Variants in CERS3 observed in about 807,000 individuals in gnomAD.
The protein encoded by CERS3 is LAG1 homolog, ceramide synthase 3.
Under a neutral mutation model 50.3 loss-of-function variants are expected in CERS3, and 33 were observed. The observed-to-expected ratio is 0.66, with a 90% CI of 0.50 to 0.88. CERS3 has a LOEUF of 0.88. CERS3 is among the 40% of genes least tolerant of loss of function. The pLI, the probability that CERS3 is intolerant of heterozygous loss-of-function variation, is 0.00. For synonymous variants in CERS3, 176 were observed against 155.2 expected (o/e 1.13, Z -0.99); for missense variants, 470 against 460.3 (o/e 1.02, Z -0.19).
chr15:100,442,340 T>A (rs2142155808), intron 11 of CERS3, among the ~76,000 whole-genome samples: 1 of 152,284 alleles, frequency 6.6e-6, no homozygotes. Flanking sequence ...AAAATTAAAT[T>A]CCGGCCCTTT....
At chr15:100,536,913 G>T (rs1353991463) in intron 1 of CERS3, among the ~76,000 whole-genome samples, 2 of 152,238 alleles carry the variant, frequency 1.3e-5, no homozygotes, top group Non-Finnish European at 2.9e-5. Flanking sequence ...ACAGGACAAT[G>T]AGGAAACAAA....
Position 100,455,930 on chromosome 15 carries a change from T to C in CERS3, c.962A>G (p.Tyr321Cys). 6.2e-7 allele frequency: 1 copy of C among 1,612,802 alleles called. No individual in the cohort carries two copies. Among genetic ancestry groups the C allele is most frequent in the Non-Finnish European group, 8.5e-7 (1 of 1,179,336 alleles). The change falls in exon 11 of 12, where the codon TAC (tyrosine) becomes TGC (cysteine). Residue 321 changes from tyrosine to cysteine, a missense_variant. Physicochemically the swap from Tyr to Cys is radical, Grantham distance 194. Transcript: ENST00000679737. ...LQVLHLYWGYYILKMLNRCIF... is the reference protein window; with the variant it reads ...LQVLHLYWGYCILKMLNRCIF... The stretch of plus-strand genomic sequence containing the variant: ...ACATCTGTTGAGCATCTTCAAGATG[T>C]AATAACCCCAGTAAAGGTGAAGGAC...
chr15:100,487,717 C>T (rs976399834), intron 4 of CERS3, among the ~76,000 whole-genome samples: 5 of 152,164 alleles, frequency 3.3e-5, no homozygotes, highest in Non-Finnish European at 7.4e-5. Context: ...AGAGGAGTCA[C>T]CCTACCTCTT....
chr15:100,500,710 A>T (rs1339515534), intron 3 of CERS3, among the ~76,000 whole-genome samples: 1 of 152,228 alleles, frequency 6.6e-6, no homozygotes, highest in Non-Finnish European at 1.5e-5. Flanking sequence ...AGTGGTTTCC[A>T]GGGGCTTTCT....
intron 1 of CERS3, among the ~76,000 whole-genome samples, chr15:100,528,479 C>T (rs530300959): frequency 6.6e-6 from 1 of 152,278 alleles, no homozygotes; most frequent in East Asian, 1.9e-4. Context: ...GACCTTTCTT[C>T]CTAACCCTCA....
intron 10 of CERS3, among the ~76,000 whole-genome samples, chr15:100,461,265 C>T (rs1211138805): frequency 6.6e-6 from 1 of 152,172 alleles, no homozygotes; most frequent in East Asian, 1.9e-4. Context: ...CCCTCCACCA[C>T]CTCCTTTGAC....
chr15:100,503,635 C>A (rs1164111129), intron 2 of CERS3: 1 of 466,838 alleles, frequency 2.1e-6, no homozygotes, highest in South Asian at 1.6e-5. Context: ...ACAGCTCTAC[C>A]AAGCCCAAAA....
chr15:100,449,683 C>A (rs2034080589), intron 11 of CERS3, among the ~76,000 whole-genome samples: 1 of 152,172 alleles, frequency 6.6e-6, no homozygotes. Flanking sequence ...TGCATGCACC[C>A]AGAATCACAA....
intron 5 of CERS3, among the ~76,000 whole-genome samples, chr15:100,481,972 A>T (rs1249442529): frequency 6.6e-6 from 1 of 152,204 alleles, no homozygotes; most frequent in African/African-American, 2.4e-5. Context: ...AATTGCACTG[A>T]TGAAACGTGC....
chr15:100,484,461 T>C, intron 5 of CERS3, 89 bp downstream of exon 5: 1 of 916,960 alleles, frequency 1.1e-6, no homozygotes, highest in South Asian at 1.4e-5. Flanking sequence ...GAACCCTCCC[T>C]CTGCTGCTCC....
intron 2 of CERS3, among the ~76,000 whole-genome samples, chr15:100,509,181 A>T (rs1386648222): frequency 2.6e-5 from 4 of 152,202 alleles, no homozygotes; most frequent in Non-Finnish European, 5.9e-5. Flanking sequence ...CCCAATGTGT[A>T]AATGAAGCCT....
At chr15:100,482,099 A>G (rs562314862) in intron 5 of CERS3, among the ~76,000 whole-genome samples, 3 of 152,362 alleles carry the variant, frequency 2.0e-5, no homozygotes, top group African/African-American at 7.2e-5. Flanking sequence ...TTCAGAGACC[A>G]AGGGGTCTTG....
intron 8 of CERS3, among the ~76,000 whole-genome samples, chr15:100,475,531 G>C (rs1206058744): frequency 6.6e-6 from 1 of 152,192 alleles, no homozygotes; most frequent in Non-Finnish European, 1.5e-5. Context: ...TTAGGAATCA[G>C]TAACAACCAA....
At chr15:100,509,273 C>T (rs2036271319) in intron 2 of CERS3, among the ~76,000 whole-genome samples, 1 of 152,190 alleles carries the variant, frequency 6.6e-6, no homozygotes, top group Non-Finnish European at 1.5e-5. Context: ...ACAAGTTTAT[C>T]ACTATTTGAA....
At chr15:100,532,120 GAC>G (rs963110122), upstream of CERS3, among the ~76,000 whole-genome samples, 23 of 152,326 alleles carry the variant, frequency 1.5e-4, no homozygotes, top group African/African-American at 5.3e-4. Context: ...CCAGCAGCAA[GAC>G]ACAGTGCCAA....
chr15:100,532,635 T>A (rs11247217), upstream of CERS3, among the ~76,000 whole-genome samples: 2 of 151,568 alleles, frequency 1.3e-5, no homozygotes, highest in Admixed American at 6.6e-5. Context: ...GTATGGTAGC[T>A]GTGATCCCAG....
intron 10 of CERS3, among the ~76,000 whole-genome samples, chr15:100,466,496 A>C (rs935099611): frequency 6.6e-6 from 1 of 152,140 alleles, no homozygotes; most frequent in Admixed American, 6.5e-5. Flanking sequence ...CCTGGTTCCA[A>C]TAAAAAATAC....
intron 11 of CERS3, among the ~76,000 whole-genome samples, chr15:100,450,877 A>G (rs942554732): frequency 6.6e-6 from 1 of 152,150 alleles, no homozygotes; most frequent in African/African-American, 2.4e-5. Context: ...GCCAGGGGAA[A>G]ATGGGATGAT....
At chr15:100,472,383 T>C (rs76402266) in intron 9 of CERS3, among the ~76,000 whole-genome samples, 2,010 of 152,184 alleles carry the variant, frequency 0.013, 51 homozygotes, top group African/African-American at 0.046. Flanking sequence ...TTAGGAAGAC[T>C]CTTGTTTTAA....
Sources: gnomAD v4.1 joint callset for allele counts (sites outside exome capture counted in the v4.1 genomes callset) on GRCh38, gnomAD v4.1.1 for gene constraint, MANE v1.5 for transcripts, NCBI Gene and HGNC (gene_info 2026-07-23, HGNC 2026-07-21) for gene names.